Variants in COLEC12 observed in about 807,000 individuals in gnomAD.
COLEC12 encodes the protein collectin-12.
In COLEC12, 33 loss-of-function variants were observed where a neutral mutation model predicts 71.1. The observed-to-expected ratio is 0.46, with a 90% CI of 0.35 to 0.62. The LOEUF is 0.62. Among genes scored for constraint, COLEC12 ranks in the 20% least tolerant of loss-of-function variants. The probability of loss-of-function intolerance (pLI) is 0.00; values close to 1 mark genes in which losing one functional copy is unlikely to be tolerated. For synonymous variants in COLEC12, 350 were observed against 353.0 expected, an observed-to-expected ratio of 0.99 and a Z score of 0.10; for missense variants, 765 against 916.1, an observed-to-expected ratio of 0.84 and a Z score of 2.13.
At position 335,237 on chromosome 18, in the gene COLEC12, C is replaced by A; in HGVS notation, c.1328-7G>T. Reference sequence around the variant, plus strand: ...CCCCTGGGGCCCGGTGGACCTAAAGCATAAAAGAAAAAGGTGTCAACATGA... The same window carrying A: ...CCCCTGGGGCCCGGTGGACCTAAAGAATAAAAGAAAAAGGTGTCAACATGA... On this transcript the variant is annotated splice_region_variant and splice_polypyrimidine_tract_variant and intron_variant, in intron 5 of 9. Coordinates refer to ENST00000400256, the MANE Select transcript of COLEC12 (RefSeq NM_130386.3). 4 of 1,567,176 alleles carry A rather than the reference C, an allele frequency of 2.6e-6. No individual in the cohort carries two copies. The highest frequency in any genetic ancestry group is 4.4e-5 in the Admixed American group (2 of 45,762).
intron 2 of COLEC12, among the ~76,000 whole-genome samples, chr18:419,763 C>A (rs1916060149): frequency 6.6e-6 from 1 of 152,298 alleles, no homozygotes; most frequent in East Asian, 1.9e-4. Flanking sequence ...CTTTGCTATT[C>A]CCCTCATTAA....
At chr18:404,331 T>C (rs1247385774) in intron 2 of COLEC12, among the ~76,000 whole-genome samples, 1 of 152,198 alleles carries the variant, frequency 6.6e-6, no homozygotes, top group Non-Finnish European at 1.5e-5. Context: ...TGAACTAAAA[T>C]TTACTTGAAA....
At chr18:455,729 T>C (rs147842457) in intron 2 of COLEC12, among the ~76,000 whole-genome samples, 1 of 152,088 alleles carries the variant, frequency 6.6e-6, no homozygotes, top group African/African-American at 2.4e-5. Flanking sequence ...CTCCCACTTA[T>C]GAGTGAGAAC....
chr18:488,796 C>T (rs1917566531), intron 1 of COLEC12, among the ~76,000 whole-genome samples: 1 of 151,868 alleles, frequency 6.6e-6, no homozygotes, highest in Non-Finnish European at 1.5e-5. Context: ...TTGCTTGAAC[C>T]TGGGAGGCAG....
chr18:326,628 C>T (rs1913849756), intron 8 of COLEC12, among the ~76,000 whole-genome samples: 3 of 152,206 alleles, frequency 2.0e-5, no homozygotes, highest in East Asian at 1.9e-4. Flanking sequence ...GGATTACAGG[C>T]GTGAGCCACC....
At chr18:378,477 G>T (rs757449115) in intron 2 of COLEC12, among the ~76,000 whole-genome samples, 10 of 152,212 alleles carry the variant, frequency 6.6e-5, no homozygotes, top group Non-Finnish European at 1.5e-4. Context: ...AACGTCCGAT[G>T]CAATTGGCAC....
Position 362,867 on chromosome 18 carries a change from T to C in COLEC12, c.59-5345A>G, listed in dbSNP as rs1914776418. ...TATTTTCCAGTGTCCGAGTCTTTGT[T>C]ATACAAAAAAGTGTGGGGGCCCAGT... On this transcript the variant is annotated intron_variant, in intron 2 of 9. Transcript: ENST00000400256. The surrounding 1 kb of genome is among the most constrained non-coding windows in gnomAD (Gnocchi z 4.6). Among the ~76,000 whole-genome samples the C allele has an allele frequency of 6.6e-6, 1 of 152,146 alleles. No homozygotes were observed. The highest frequency in any genetic ancestry group is 2.4e-5 in the African/African-American group (1 of 41,432).
intron 8 of COLEC12, among the ~76,000 whole-genome samples, chr18:326,069 T>C (rs529841023): frequency 6.6e-6 from 1 of 152,364 alleles, no homozygotes; most frequent in Non-Finnish European, 1.5e-5. Context: ...GAAGCTTAGA[T>C]CATTGATTTT....
intron 2 of COLEC12, among the ~76,000 whole-genome samples, chr18:434,579 T>A (rs1231908390): frequency 6.6e-6 from 1 of 152,222 alleles, no homozygotes; most frequent in Non-Finnish European, 1.5e-5. Context: ...GACAGTTCTT[T>A]GTCACTGTCC....
chr18:449,728 A>AT (rs1179806383), intron 2 of COLEC12, among the ~76,000 whole-genome samples: 48 of 152,166 alleles, frequency 3.2e-4, no homozygotes, highest in Non-Finnish European at 6.2e-4. Context: ...ATGACTGATC[A>AT]TGGCAGGGAC....
rs1913867088 is a variant in COLEC12 at position 327,269 on chromosome 18, T to G, written c.2063+4399A>C. Reference sequence around the variant, plus strand: ...TTATTATTTTTTTTAATGCTGAGATTTGCTGATTGGTACTTTCTAAAAGCC... The same window carrying G: ...TTATTATTTTTTTTAATGCTGAGATGTGCTGATTGGTACTTTCTAAAAGCC... On this transcript the variant is annotated intron_variant, in intron 8 of 9. Transcript: ENST00000400256. The surrounding 1 kb of genome is among the most constrained non-coding windows in gnomAD (Gnocchi z 4.0). Among the ~76,000 whole-genome samples the G allele has an allele frequency of 6.6e-6, 1 of 152,172 alleles. No individual in the cohort carries two copies. Among genetic ancestry groups the G allele is most frequent in the South Asian group, 2.1e-4 (1 of 4,816 alleles).
chr18:384,595 G>A (rs1330968243), intron 2 of COLEC12, among the ~76,000 whole-genome samples: 1 of 152,208 alleles, frequency 6.6e-6, no homozygotes. Context: ...ACAGTTAAAA[G>A]AATGTGCAAC....
intron 1 of COLEC12, among the ~76,000 whole-genome samples, chr18:486,333 C>A (rs146082156): frequency 3.9e-5 from 6 of 152,062 alleles, no homozygotes; most frequent in African/African-American, 1.2e-4. Flanking sequence ...TACAGGCCTG[C>A]GCCATTATGC....
intron 8 of COLEC12, among the ~76,000 whole-genome samples, chr18:331,114 C>T (rs1913970282): frequency 6.6e-6 from 1 of 152,114 alleles, no homozygotes; most frequent in Non-Finnish European, 1.5e-5. Flanking sequence ...GTCTCGAACT[C>T]CAGACTTCAA....
intron 2 of COLEC12, among the ~76,000 whole-genome samples, chr18:454,253 CT>C (rs1478653090): frequency 1.3e-5 from 2 of 152,096 alleles, no homozygotes; most frequent in African/African-American, 4.8e-5. Flanking sequence ...CTGTTTCCAC[CT>C]GAGGGACTTT....
intron 2 of COLEC12, among the ~76,000 whole-genome samples, chr18:404,557 C>CCA (rs1298825534): frequency 1.3e-5 from 2 of 152,072 alleles, no homozygotes; most frequent in Non-Finnish European, 2.9e-5. Flanking sequence ...GTTAGGGACC[C>CCA]CAAACGGAGG....
At chr18:458,659 C>G (rs1246786340) in intron 2 of COLEC12, among the ~76,000 whole-genome samples, 1 of 152,226 alleles carries the variant, frequency 6.6e-6, no homozygotes, top group Non-Finnish European at 1.5e-5. Context: ...TTCAAAAGCC[C>G]CTTGTTATTT....
chr18:339,984 T>A (rs1306631695), intron 5 of COLEC12, among the ~76,000 whole-genome samples: 1 of 151,330 alleles, frequency 6.6e-6, no homozygotes, highest in African/African-American at 2.4e-5. Flanking sequence ...GGCTTTGAGG[T>A]TGCACTTGAA....
intron 1 of COLEC12, among the ~76,000 whole-genome samples, chr18:497,782 C>G (rs1029181710): frequency 6.6e-6 from 1 of 152,166 alleles, no homozygotes; most frequent in Non-Finnish European, 1.5e-5. Context: ...TTCTGAAGCA[C>G]GGGGAGTTAA....
Sources: gnomAD v4.1 joint callset for allele counts (sites outside exome capture counted in the v4.1 genomes callset) on GRCh38, gnomAD v4.1.1 for gene constraint, Gnocchi (gnomAD v3.1) non-coding constraint, MANE v1.5 for transcripts, NCBI Gene and HGNC (gene_info 2026-07-23, HGNC 2026-07-21) for gene names.